The following PCSK6 variants were observed in gnomAD, a reference collection of about 807,000 sequenced individuals.
PCSK6 encodes paired basic amino acid cleaving enzyme 4.
A neutral mutation model predicts 123.3 loss-of-function variants in PCSK6; 85 were observed. The ratio of observed to expected loss-of-function variants is 0.69; its 90% CI spans 0.58 to 0.83. The LOEUF (loss-of-function observed/expected upper bound fraction) is 0.83. Among genes scored for constraint, PCSK6 ranks in the 40% least tolerant of loss-of-function variants. The probability of loss-of-function intolerance (pLI) is 0.00; values close to 1 mark genes in which losing one functional copy is unlikely to be tolerated. For synonymous variants in PCSK6, 508 were observed against 516.0 expected (o/e 0.98, Z 0.21); for missense variants, 1,191 against 1,282.3 (o/e 0.93, Z 1.09).
chr15:101,481,587 C>A (rs1397932751), intron 1 of PCSK6, among the ~76,000 whole-genome samples: 2 of 151,986 alleles, frequency 1.3e-5, no homozygotes, highest in Non-Finnish European at 2.9e-5. Context: ...AGGCCACAGC[C>A]TGTGCTGGGC....
chr15:101,403,224 G>C (rs1442639734), intron 6 of PCSK6, among the ~76,000 whole-genome samples: 3 of 134,248 alleles, frequency 2.2e-5, no homozygotes, highest in Non-Finnish European at 3.1e-5. Flanking sequence ...TGAACAATGA[G>C]AACACATGGA....
intron 4 of PCSK6, 89 bp downstream of exon 4, chr15:101,431,231 A>T (rs1596326047): frequency 7.3e-7 from 1 of 1,369,642 alleles, no homozygotes; most frequent in East Asian, 2.3e-5. Flanking sequence ...GCTGGGGGAG[A>T]TCGGGACCTT....
rs563598118 is a variant in PCSK6, at chr15:101,451,067, G to T, written c.298-7407C>A. Among the ~76,000 whole-genome samples, 3 of 151,924 alleles carry T rather than the reference G, an allele frequency of 2.0e-5. No homozygotes were observed. The South Asian group carries it at 6.3e-4, about 32-fold the overall frequency. ...GGAAAGGCCTGGCTTGGGGTTTACAGAAAGGGCCTCCCCCATCATGTCGTT... is the reference window on the plus strand; with the variant it reads ...GGAAAGGCCTGGCTTGGGGTTTACATAAAGGGCCTCCCCCATCATGTCGTT... On this transcript the variant is annotated intron_variant, in intron 1 of 21. Transcript: ENST00000611716.
At chr15:101,453,246 G>T (rs1183967133) in intron 1 of PCSK6, among the ~76,000 whole-genome samples, 1 of 152,204 alleles carries the variant, frequency 6.6e-6, no homozygotes, top group Non-Finnish European at 1.5e-5. Context: ...AAGGGCAGGT[G>T]ACCTCTGGGG....
intron 1 of PCSK6, among the ~76,000 whole-genome samples, chr15:101,447,548 G>A (rs1229527865): frequency 1.3e-5 from 2 of 152,224 alleles, no homozygotes; most frequent in Non-Finnish European, 2.9e-5. Context: ...AGATACACGA[G>A]TAGGGTTTAA....
At chr15:101,423,718 A>G (rs1230922637) in intron 6 of PCSK6, among the ~76,000 whole-genome samples, 2 of 152,204 alleles carry the variant, frequency 1.3e-5, no homozygotes, top group African/African-American at 4.8e-5. Context: ...CAATCTAACA[A>G]CTATAACTGT....
chr15:101,363,192 C>T (rs566227948), intron 13 of PCSK6, among the ~76,000 whole-genome samples: 4 of 152,326 alleles, frequency 2.6e-5, no homozygotes, highest in African/African-American at 9.6e-5. Context: ...AGAAAGGCTG[C>T]CTGCAGAGGC....
intron 11 of PCSK6, among the ~76,000 whole-genome samples, chr15:101,373,233 C>T (rs543039844): frequency 2.0e-5 from 3 of 152,096 alleles, no homozygotes; most frequent in African/African-American, 4.8e-5. Flanking sequence ...TGGCTGGGGG[C>T]GGGAGCACCC....
chr15:101,425,981 T>C (rs971490972), intron 6 of PCSK6, among the ~76,000 whole-genome samples: 1 of 152,186 alleles, frequency 6.6e-6, no homozygotes, highest in African/African-American at 2.4e-5. Flanking sequence ...CCCTGCGATC[T>C]TGTTATAATG....
intron 1 of PCSK6, among the ~76,000 whole-genome samples, 171 bp downstream of exon 1, chr15:101,489,203 A>G (rs1388339013): frequency 6.5e-5 from 2 of 30,824 alleles, no homozygotes; most frequent in Non-Finnish European, 1.4e-4. Flanking sequence ...CCCCCGGGCG[A>G]CACCCCCCCC....
In PCSK6 at chr15:101,471,879, T is replaced by A. The variant is rs114059167; in HGVS notation, c.297+17495A>T. On this transcript the variant is annotated intron_variant, in intron 1 of 21. Transcript: ENST00000611716. ...CAGGCACCCTCATGTAAGGTTTCTT[T>A]CACTTGGCCTGTCTATGAGACACAT... Among the ~76,000 whole-genome samples the A allele has an allele frequency of 4.4e-3, 677 of 152,286 alleles. 3 individuals are homozygous for A. The highest frequency in any genetic ancestry group is 0.015 in the African/African-American group (618 of 41,570).
intron 6 of PCSK6, among the ~76,000 whole-genome samples, chr15:101,407,575 G>A (rs1343147916): frequency 6.6e-6 from 1 of 152,146 alleles, no homozygotes; most frequent in Non-Finnish European, 1.5e-5. Flanking sequence ...ACCACCCAAG[G>A]CCAGGTGTCA....
chr15:101,445,781 G>C (rs1010697406), intron 1 of PCSK6, among the ~76,000 whole-genome samples: 2 of 152,232 alleles, frequency 1.3e-5, no homozygotes, highest in African/African-American at 2.4e-5. Context: ...ATGGAGGAAC[G>C]AAGAGTTGAA....
intron 8 of PCSK6, 139 bp downstream of exon 8, chr15:101,393,073 G>A (rs1213655993): frequency 1.6e-5 from 12 of 751,138 alleles, no homozygotes; most frequent in Middle Eastern, 3.1e-4. Flanking sequence ...ATTGTTCGCC[G>A]ATGGGTGAGG....
chr15:101,436,168 G>A (rs959977424), intron 2 of PCSK6, among the ~76,000 whole-genome samples: 2 of 152,204 alleles, frequency 1.3e-5, no homozygotes, highest in African/African-American at 4.8e-5. Flanking sequence ...GGGCCCTGCT[G>A]TGGCTCAGGA....
chr15:101,369,617 G>C (rs1305123097), intron 12 of PCSK6, among the ~76,000 whole-genome samples: 1 of 152,238 alleles, frequency 6.6e-6, no homozygotes, highest in African/African-American at 2.4e-5. Flanking sequence ...AGAGACAGAA[G>C]GTACCAGAAT....
At chr15:101,310,697 A>G (rs1339860148) in intron 20 of PCSK6, among the ~76,000 whole-genome samples, 1 of 152,164 alleles carries the variant, frequency 6.6e-6, no homozygotes, top group Admixed American at 6.5e-5. Context: ...GCTGTGGGTC[A>G]GACAAGTGCA....
chr15:101,353,227 C>T (rs1355270471), intron 13 of PCSK6, among the ~76,000 whole-genome samples: 2 of 152,200 alleles, frequency 1.3e-5, no homozygotes, highest in Admixed American at 1.3e-4. Context: ...GATCATCAGG[C>T]ATTAGATTCT....
intron 13 of PCSK6, among the ~76,000 whole-genome samples, chr15:101,335,125 A>G (rs1375775978): frequency 2.6e-5 from 4 of 152,034 alleles, no homozygotes; most frequent in African/African-American, 9.7e-5. Context: ...ACGCCCGGCT[A>G]CTTTTTGTAT....
Sources: allele counts gnomAD v4.1 joint callset (sites outside exome capture counted in the v4.1 genomes callset), GRCh38; gene constraint gnomAD v4.1.1; transcripts MANE v1.5; gene names NCBI Gene and HGNC (gene_info 2026-07-23, HGNC 2026-07-21).